Variants in CHD9 observed in about 807,000 individuals in gnomAD.
CHD9 encodes the protein chromodomain helicase DNA binding protein 9, also known as ATP-dependent chromatin remodeler CHD9.
A neutral mutation model predicts 316.1 loss-of-function variants in CHD9; 77 were observed. The observed-to-expected ratio is 0.24, with a 90% confidence interval of 0.20 to 0.29. The LOEUF (loss-of-function observed/expected upper bound fraction) is 0.29. CHD9 is among the 10% of genes least tolerant of loss of function. The pLI, the probability that CHD9 is intolerant of heterozygous loss-of-function variation, is 1.00. For synonymous variants in CHD9, 1,129 were observed against 1,158.3 expected (o/e 0.97, Z 0.51); for missense variants, 2,763 against 3,438.1 (o/e 0.80, Z 4.91).
intron 2 of CHD9, among the ~76,000 whole-genome samples, chr16:53,183,814 T>C: frequency 6.6e-6 from 1 of 152,218 alleles, no homozygotes; most frequent in East Asian, 1.9e-4. Flanking sequence ...TCCTTTCTGC[T>C]ACTTAACAGC....
At chr16:53,178,324 C>T (rs1368866552) in intron 2 of CHD9, among the ~76,000 whole-genome samples, 1 of 151,788 alleles carries the variant, frequency 6.6e-6, no homozygotes, top group Non-Finnish European at 1.5e-5. Context: ...TGACCAGAAT[C>T]ATGATTTTCT....
At chr16:53,225,651 A>G (rs1378065612) in intron 4 of CHD9, among the ~76,000 whole-genome samples, 7 of 152,074 alleles carry the variant, frequency 4.6e-5, no homozygotes, top group African/African-American at 1.7e-4. Context: ...TTGTGTGATG[A>G]TAGTGATGTC....
chr16:53,167,647 T>C (rs1451545620), intron 2 of CHD9, among the ~76,000 whole-genome samples: 1 of 147,942 alleles, frequency 6.8e-6, no homozygotes, highest in Non-Finnish European at 1.5e-5. Context: ...TGACAATCTG[T>C]AATTATTTGA....
At position 53,292,213 on chromosome 16, in the gene CHD9, C is replaced by T. The variant is rs567872707; in HGVS notation, c.5290+446C>T. On this transcript the variant is annotated intron_variant, in intron 28 of 38. Coordinates refer to ENST00000447540, the MANE Select transcript of CHD9 (RefSeq NM_001308319.2). Reference sequence around the variant, plus strand: ...ACAAGAGTACACTCACTCCCACCAGCATCCCAGAGGAACAGTGCCTCACCC... The same window carrying T: ...ACAAGAGTACACTCACTCCCACCAGTATCCCAGAGGAACAGTGCCTCACCC... Among the ~76,000 whole-genome samples, 6 of 152,332 alleles carry T rather than the reference C, an allele frequency of 3.9e-5. No homozygotes were observed. In the East Asian group the frequency reaches 1.2e-3, roughly 29 times the overall value.
chr16:53,065,744 G>A (rs945769386), intron 1 of CHD9, among the ~76,000 whole-genome samples: 8 of 151,580 alleles, frequency 5.3e-5, no homozygotes. Context: ...CACTACTCTG[G>A]ACAATGTGGA....
At chr16:53,186,803 C>T (rs914974753) in intron 2 of CHD9, among the ~76,000 whole-genome samples, 1 of 152,070 alleles carries the variant, frequency 6.6e-6, no homozygotes, top group Non-Finnish European at 1.5e-5. Context: ...TTTGCTTGGC[C>T]CTCACTTTCT....
intron 1 of CHD9, among the ~76,000 whole-genome samples, chr16:53,115,636 A>G (rs1026229702): frequency 6.6e-6 from 1 of 152,206 alleles, no homozygotes; most frequent in Admixed American, 6.5e-5. Flanking sequence ...CCAGAACAAT[A>G]TGGGTATGTT....
At chr16:53,210,990 G>A (rs1209459819) in intron 3 of CHD9, among the ~76,000 whole-genome samples, 2 of 151,958 alleles carry the variant, frequency 1.3e-5, no homozygotes, top group Non-Finnish European at 2.9e-5. Context: ...AGGTATGAAA[G>A]TAACTTATTT....
intron 19 of CHD9, among the ~76,000 whole-genome samples, chr16:53,257,924 AT>A (rs1258202124): frequency 6.6e-6 from 1 of 151,962 alleles, no homozygotes. Context: ...GGACAGAAAT[AT>A]TTTTCCTCAT....
intron 1 of CHD9, among the ~76,000 whole-genome samples, chr16:53,087,748 G>A (rs2035583460): frequency 6.6e-6 from 1 of 152,068 alleles, no homozygotes. Context: ...AGGAGTTCGA[G>A]ACCAGCCTGG....
chr16:53,265,530 T>C (rs1383253789), intron 20 of CHD9, among the ~76,000 whole-genome samples: 2 of 152,166 alleles, frequency 1.3e-5, no homozygotes, highest in African/African-American at 2.4e-5. Flanking sequence ...AGTATAAGTT[T>C]ATGAAATATA....
chr16:53,158,068 TTTA>T (rs1387104931), intron 2 of CHD9, among the ~76,000 whole-genome samples: 1 of 152,208 alleles, frequency 6.6e-6, no homozygotes, highest in Non-Finnish European at 1.5e-5. Context: ...TTAGAATGGT[TTTA>T]TTTTTACCTA....
intron 2 of CHD9, among the ~76,000 whole-genome samples, chr16:53,206,721 T>C (rs186385070): frequency 3.3e-4 from 51 of 152,338 alleles, no homozygotes; most frequent in East Asian, 2.3e-3. Flanking sequence ...ATTTTAGCTC[T>C]TATTGTCATA....
chr16:53,253,033 C>G (rs1781103862), intron 17 of CHD9, among the ~76,000 whole-genome samples: 1 of 152,088 alleles, frequency 6.6e-6, no homozygotes. Flanking sequence ...TTTGATCCAG[C>G]AATCTCACTA....
At chr16:53,103,519 G>A (rs2152572295) in intron 1 of CHD9, among the ~76,000 whole-genome samples, 2 of 152,240 alleles carry the variant, frequency 1.3e-5, no homozygotes. Context: ...CTTTATATAT[G>A]CTATTTACTT....
chr16:53,193,439 ACT>A (rs1022577604), intron 2 of CHD9, among the ~76,000 whole-genome samples: 4 of 150,144 alleles, frequency 2.7e-5, no homozygotes, highest in Non-Finnish European at 4.4e-5. Flanking sequence ...ACAGAGTGAG[ACT>A]CTGTCCCAAA....
chr16:53,263,152 G>A (rs1329881846), intron 20 of CHD9, 55 bp downstream of exon 20: 3 of 1,314,468 alleles, frequency 2.3e-6, no homozygotes, highest in Non-Finnish European at 3.2e-6. Context: ...TTTGGCAATA[G>A]TATTGTAATA....
At chr16:53,306,034 TG>T (rs1567661767) in intron 31 of CHD9, among the ~76,000 whole-genome samples, 3 of 152,176 alleles carry the variant, frequency 2.0e-5, no homozygotes, top group Non-Finnish European at 4.4e-5. Context: ...GTCCAGGCTG[TG>T]CAACACAGCA....
chr16:53,107,870 GAGAGT>G lies in CHD9; in HGVS notation c.-164-48054_-164-48050del, dbSNP rs2037494918. On this transcript the variant is annotated intron_variant, in intron 1 of 38. Transcript: ENST00000447540. ...CCTGAAGCTTATTTTCTAATGGAGAGAGAGTAAACAAAAAAATAAGTAAAACACTG... is the reference window on the plus strand; with the variant it reads ...CCTGAAGCTTATTTTCTAATGGAGAGAAACAAAAAAATAAGTAAAACACTG... 3.3e-5 allele frequency among the ~76,000 whole-genome samples: 5 copies of G among 152,122 alleles called. No homozygotes were observed. In the South Asian group the frequency reaches 1.0e-3, roughly 32 times the overall value.
Sources: allele counts gnomAD v4.1 joint callset (sites outside exome capture counted in the v4.1 genomes callset), GRCh38; gene constraint gnomAD v4.1.1; transcripts MANE v1.5; gene names NCBI Gene and HGNC (gene_info 2026-07-23, HGNC 2026-07-21).